The following CSGALNACT1 variants were observed in gnomAD, a reference collection of about 807,000 sequenced individuals.
The protein encoded by CSGALNACT1 is beta4GalNAcT-1.
A neutral mutation model predicts 51.0 loss-of-function variants in CSGALNACT1; 52 were observed. That is an observed-to-expected ratio of 1.02 (90% CI 0.82 to 1.29). The LOEUF is 1.29. Among genes scored for constraint, CSGALNACT1 ranks in the 50% most tolerant of loss-of-function variants. The pLI is 0.00. For missense variants in CSGALNACT1, 935 were observed against 679.2 expected (o/e 1.38, Z -4.19); for synonymous variants, 341 against 254.4 (o/e 1.34, Z -3.24).
intron 1 of CSGALNACT1, among the ~76,000 whole-genome samples, chr8:19,682,049 C>T (rs1010492714): frequency 6.6e-6 from 1 of 152,180 alleles, no homozygotes; most frequent in Admixed American, 6.5e-5. Flanking sequence ...CCCTGTACCA[C>T]AGAAAGATTT....
At chr8:19,540,156 T>G (rs1362649878) in intron 3 of CSGALNACT1, among the ~76,000 whole-genome samples, 2 of 152,220 alleles carry the variant, frequency 1.3e-5, no homozygotes, top group African/African-American at 2.4e-5. Context: ...AATACCCCAG[T>G]GCTTCATATT....
At chr8:19,526,133 C>T (rs1247682413) in intron 3 of CSGALNACT1, among the ~76,000 whole-genome samples, 9 of 152,198 alleles carry the variant, frequency 5.9e-5, no homozygotes, top group Admixed American at 1.3e-4. Context: ...CCTCCCGCTA[C>T]GCTTTGTTCA....
intron 1 of CSGALNACT1, among the ~76,000 whole-genome samples, chr8:19,676,316 A>G (rs1564405553): frequency 6.6e-6 from 1 of 152,190 alleles, no homozygotes; most frequent in African/African-American, 2.4e-5. Flanking sequence ...GCTATGTTCC[A>G]TAAGGCAAAT....
intron 4 of CSGALNACT1, among the ~76,000 whole-genome samples, chr8:19,482,360 T>C (rs565079900): frequency 3.3e-5 from 5 of 152,332 alleles, no homozygotes; most frequent in African/African-American, 9.6e-5. Context: ...TTTTAGGCTC[T>C]GTAACCAACA....
intron 6 of CSGALNACT1, 55 bp downstream of exon 5, chr8:19,439,775 G>A: frequency 4.5e-6 from 6 of 1,335,472 alleles, no homozygotes; most frequent in Non-Finnish European, 6.5e-6. Context: ...CCTTGGATGT[G>A]TGCTTCTGAG....
intron 5 of CSGALNACT1, among the ~76,000 whole-genome samples, chr8:19,441,409 A>C (rs759700425): frequency 2.0e-5 from 3 of 152,234 alleles, no homozygotes; most frequent in Non-Finnish European, 4.4e-5. Context: ...CTCAGAAATA[A>C]TGCAGCATAT....
intron 3 of CSGALNACT1, among the ~76,000 whole-genome samples, chr8:19,534,910 T>C (rs775876190): frequency 2.6e-5 from 4 of 152,210 alleles, no homozygotes; most frequent in Admixed American, 6.5e-5. Context: ...GTCTATCCAT[T>C]GCACTTCGCC....
intron 2 of CSGALNACT1, among the ~76,000 whole-genome samples, chr8:19,598,397 C>A (rs977111369): frequency 6.6e-6 from 1 of 152,138 alleles, no homozygotes; most frequent in African/African-American, 2.4e-5. Context: ...CTTTATGGCA[C>A]CCCTCATTCC....
At chr8:19,587,651 G>C (rs1045735452) in intron 3 of CSGALNACT1, among the ~76,000 whole-genome samples, 1 of 152,144 alleles carries the variant, frequency 6.6e-6, no homozygotes, top group African/African-American at 2.4e-5. Context: ...ATTACATACA[G>C]ATGCCCTTTA....
chr8:19,503,774 G>T (rs1487319756), intron 4 of CSGALNACT1, among the ~76,000 whole-genome samples: 1 of 149,968 alleles, frequency 6.7e-6, no homozygotes, highest in Admixed American at 6.6e-5. Context: ...TGTTTCATAT[G>T]AATGAGTTTT....
Position 19,408,425 on chromosome 8 carries a change from A to G in CSGALNACT1, c.1309+188T>C, listed in dbSNP as rs1369573496. ...CCCCCCTCCTCTAACCTCCCAAAGC[A>G]CTGGGATTACAGGTGTGAGCCACCG... On this transcript the variant is annotated intron_variant, in intron 9 of 9. Transcript: ENST00000454498. 4.3e-5 allele frequency among the ~76,000 whole-genome samples: 6 copies of G among 139,862 alleles called. No homozygotes were observed. The South Asian group carries it at 1.4e-3, about 33-fold the overall frequency. The allele number at this position is 139,862 out of a possible 152,430, so 91.8% of individuals were successfully genotyped here. A position where few individuals can be genotyped will look rare whatever the true frequency, so the allele number is the denominator to read the frequency against.
chr8:19,718,276 A>AT lies in CSGALNACT1; in HGVS notation c.-297+39573dup, dbSNP rs534624888. On this transcript the variant is annotated intron_variant, in intron 1 of 1. Coordinates refer to the CSGALNACT1 transcript ENST00000517494. Reference sequence around the variant, plus strand: ...ACCCCTCTAATTTTTGTATTTTTGTATTTTTAGTAGAGATGGGGTTGTACC... The same window carrying AT: ...ACCCCTCTAATTTTTGTATTTTTGTATTTTTTAGTAGAGATGGGGTTGTACC... Among the ~76,000 whole-genome samples the AT allele has an allele frequency of 3.8e-4, 57 of 151,966 alleles. No individual in the cohort carries two copies. The South Asian group carries it at 4.4e-3, about 12-fold the overall frequency.
rs1047403237 is a variant in CSGALNACT1 at position 19,559,171 on chromosome 8, A to G, written c.-297+31989T>C. 1.5e-4 allele frequency among the ~76,000 whole-genome samples: 23 copies of G among 152,210 alleles called. 1 individual carries two copies. Among genetic ancestry groups the G allele is most frequent in the Non-Finnish European group, 1.0e-4 (7 of 68,006 alleles). On this transcript the variant is annotated intron_variant, in intron 3 of 9. Transcript: ENST00000454498. The stretch of plus-strand genomic sequence containing the variant: ...TTACAAACTAATGTCTCTCATGAAC[A>G]TGGATACAAAGCCCCACAATTTTAG...
In CSGALNACT1 at chr8:19,414,182, G is replaced by A. The variant is rs1160578091; in HGVS notation, c.1227+4474C>T. On this transcript the variant is annotated intron_variant, in intron 8 of 9. Coordinates refer to ENST00000454498, the Ensembl canonical transcript of CSGALNACT1. ...CCTGCACCCCCTCTTCAGAGAGCAG[G>A]TTGTTAAATATTTACCAGCACATCT... Among the ~76,000 whole-genome samples the A allele has an allele frequency of 2.6e-5, 4 of 152,166 alleles. No homozygotes were observed. In the South Asian group the frequency reaches 8.3e-4, roughly 31 times the overall value.
At chr8:19,548,922 G>T (rs150812344) in intron 3 of CSGALNACT1, among the ~76,000 whole-genome samples, 3,148 of 152,142 alleles carry the variant, frequency 0.021, 91 homozygotes, top group African/African-American at 0.065. Flanking sequence ...AGGCTCAAAC[G>T]ATCCTCCTGC....
intron 3 of CSGALNACT1, among the ~76,000 whole-genome samples, chr8:19,586,435 A>C (rs974263311): frequency 6.6e-6 from 1 of 151,780 alleles, no homozygotes; most frequent in Non-Finnish European, 1.5e-5. Context: ...AAGAAGAAGA[A>C]CTTAGACAAC....
At chr8:19,635,044 G>T (rs1454712073) in intron 1 of CSGALNACT1, among the ~76,000 whole-genome samples, 1 of 152,248 alleles carries the variant, frequency 6.6e-6, no homozygotes, top group Admixed American at 6.5e-5. Context: ...TACGTTTTAA[G>T]TACAGCAAAT....
intron 1 of CSGALNACT1, among the ~76,000 whole-genome samples, chr8:19,654,692 G>A (rs796349297): frequency 2.6e-4 from 39 of 151,886 alleles, no homozygotes; most frequent in African/African-American, 9.2e-4. Context: ...CTACAGGCAT[G>A]CACCACACGC....
intron 3 of CSGALNACT1, among the ~76,000 whole-genome samples, chr8:19,534,676 G>A (rs891742881): frequency 1.3e-5 from 2 of 151,960 alleles, no homozygotes; most frequent in South Asian, 2.1e-4. Flanking sequence ...ATCGAAAACC[G>A]AATCAGAAAC....
Sources: allele counts gnomAD v4.1 joint callset (sites outside exome capture counted in the v4.1 genomes callset), GRCh38; gene constraint gnomAD v4.1.1; transcripts MANE v1.5; gene names NCBI Gene and HGNC (gene_info 2026-07-23, HGNC 2026-07-21).